Variants in C4orf50 observed in about 807,000 individuals in gnomAD.
The protein encoded by C4orf50 is uncharacterized protein C4orf50.
In C4orf50, 80 loss-of-function variants were observed where a neutral mutation model predicts 77.2. The observed-to-expected ratio is 1.04, with a 90% confidence interval of 0.87 to 1.25. The LOEUF (loss-of-function observed/expected upper bound fraction) is 1.25. Ranked by LOEUF, C4orf50 falls within the 50% of genes most tolerant of loss-of-function variation. The probability of loss-of-function intolerance (pLI) is 0.00; values close to 1 mark genes in which losing one functional copy is unlikely to be tolerated. For missense variants in C4orf50, 1,257 were observed against 1,152.9 expected (o/e 1.09, Z -1.31); for synonymous variants, 532 against 465.3 (o/e 1.14, Z -1.84).
chr4:5,983,966 G>T (rs1228409675), intron 28 of C4orf50, among the ~76,000 whole-genome samples: 1 of 152,238 alleles, frequency 6.6e-6, no homozygotes, highest in Non-Finnish European at 1.5e-5. Flanking sequence ...AGGTTAATTG[G>T]TGAAGAGATG....
At chr4:5,931,646 T>G (rs980248974) in intron 7 of C4orf50, among the ~76,000 whole-genome samples, 1 of 152,094 alleles carries the variant, frequency 6.6e-6, no homozygotes, top group Non-Finnish European at 1.5e-5. Context: ...ACACTAGCCA[T>G]CAGCAGCCCT....
chr4:5,993,033 C>T (rs1178342440), intron 26 of C4orf50, 103 bp from the exon 5 acceptor site: 1 of 396,658 alleles, frequency 2.5e-6, no homozygotes, highest in East Asian at 3.6e-5. Flanking sequence ...AGATGGCACC[C>T]CCCCCACCCC....
intron 7 of C4orf50, among the ~76,000 whole-genome samples, chr4:5,950,135 T>C (rs540480583): frequency 6.6e-6 from 1 of 152,370 alleles, no homozygotes; most frequent in East Asian, 1.9e-4. Flanking sequence ...ATACGTTCTG[T>C]ATATTTTATC....
rs1229647767 is a variant in C4orf50, at chr4:5,905,375, C to G, written c.*2475-7187G>C. On this transcript the variant is annotated intron_variant, in intron 7 of 7. Coordinates refer to the C4orf50 transcript ENST00000324058. The surrounding 1 kb of genome is among the most constrained non-coding windows in gnomAD (Gnocchi z 5.4). Reference sequence around the variant, plus strand: ...AAGGATTGTAAATCATAGGCCACCTCTGCTCTGTCGGTCAGTTGAGAAGGA... The same window carrying G: ...AAGGATTGTAAATCATAGGCCACCTGTGCTCTGTCGGTCAGTTGAGAAGGA... 6.6e-6 allele frequency: 1 copy of G among 152,248 alleles called. No individual in the cohort carries two copies. The highest frequency in any genetic ancestry group is 1.5e-5 in the Non-Finnish European group (1 of 68,056). 9.4% of individuals were successfully genotyped at this position (152,248 alleles called of 1,614,324 possible).
chr4:5,903,125 GC>G (rs1716410659), intron 7 of C4orf50: 2 of 152,232 alleles, frequency 1.3e-5, no homozygotes, highest in African/African-American at 2.4e-5. Context: ...AGGAGTGGGG[GC>G]CCTGCAGTCC....
At position 5,900,299 on chromosome 4, in the gene C4orf50, A is replaced by G. The variant is rs530431440; in HGVS notation, c.*2475-2111T>C. 1 of 152,324 alleles carries G rather than the reference A, an allele frequency of 6.6e-6. No individual in the cohort carries two copies. The highest frequency in any genetic ancestry group is 2.1e-4 in the South Asian group (1 of 4,816). 9.4% of individuals were successfully genotyped at this position (152,324 alleles called of 1,614,324 possible). On this transcript the variant is annotated intron_variant, in intron 7 of 7. Coordinates refer to the C4orf50 transcript ENST00000324058. The surrounding 1 kb of genome is among the most constrained non-coding windows in gnomAD (Gnocchi z 4.3). Reference sequence around the variant, plus strand: ...TTCCCTGTTCTCTCCAATGATGGGTAACTAAACTCATATAATAATCTCATT... The same window carrying G: ...TTCCCTGTTCTCTCCAATGATGGGTGACTAAACTCATATAATAATCTCATT...
chr4:5,904,647 G>A (rs1305498809), intron 7 of C4orf50: 10 of 152,162 alleles, frequency 6.6e-5, no homozygotes, highest in African/African-American at 1.7e-4. Flanking sequence ...CCTTTCTGCC[G>A]AGACTAGGGG....
At position 5,905,057 on chromosome 4, in the gene C4orf50, G is replaced by A. The variant is rs1305499523; in HGVS notation, c.*2475-6869C>T. 1 of 152,218 alleles carries A rather than the reference G, an allele frequency of 6.6e-6. No homozygotes were observed. Among genetic ancestry groups the A allele is most frequent in the Non-Finnish European group, 1.5e-5 (1 of 68,052 alleles). The allele number at this position is 152,218 out of a possible 1,614,324, so 9.4% of individuals were successfully genotyped here. A position where few individuals can be genotyped will look rare whatever the true frequency, so the allele number is the denominator to read the frequency against. On this transcript the variant is annotated intron_variant, in intron 7 of 7. Transcript: ENST00000324058. The surrounding 1 kb of genome is among the most constrained non-coding windows in gnomAD (Gnocchi z 5.4). ...TTTCCAGCCATTAGCTCATTTGGTT[G>A]TCAGAGCAAAACTGTCAAGTAGGCA...
rs1398244959 is a variant in C4orf50 at position 5,913,668 on chromosome 4, T to C, written c.*2475-15480A>G. 2.0e-5 allele frequency among the ~76,000 whole-genome samples: 3 copies of C among 152,182 alleles called. No homozygotes were observed. The East Asian group carries it at 5.8e-4, about 29-fold the overall frequency. ...AGGGTCCCTTTGAATCTCATTACAC[T>C]AGGGCTCCTGGGTGTATTGATCCTA... On this transcript the variant is annotated intron_variant, in intron 7 of 7. Transcript: ENST00000324058.
chr4:5,933,170 C>T (rs899596442), intron 7 of C4orf50, among the ~76,000 whole-genome samples: 5 of 152,300 alleles, frequency 3.3e-5, no homozygotes, highest in African/African-American at 9.6e-5. Context: ...TAGCTGCCCT[C>T]GTCTCTCACA....
chr4:5,934,565 C>A (rs1367769070), intron 7 of C4orf50, among the ~76,000 whole-genome samples: 1 of 152,104 alleles, frequency 6.6e-6, no homozygotes, highest in Non-Finnish European at 1.5e-5. Context: ...CCCCACTTAA[C>A]TCCTGGCATG....
chr4:6,006,242 T>G (rs988133406), intron 25 of C4orf50, among the ~76,000 whole-genome samples: 3 of 152,202 alleles, frequency 2.0e-5, no homozygotes, highest in African/African-American at 7.2e-5. Context: ...TTAAATGGAT[T>G]GTCCAGGTTT....
Position 5,908,691 on chromosome 4 carries a change from G to A in C4orf50, c.*2475-10503C>T, listed in dbSNP as rs140814960. Among the ~76,000 whole-genome samples, 6 of 152,232 alleles carry A rather than the reference G, an allele frequency of 3.9e-5. No individual in the cohort carries two copies. The highest frequency in any genetic ancestry group is 6.5e-5 in the Admixed American group (1 of 15,294). On this transcript the variant is annotated intron_variant, in intron 7 of 7. Coordinates refer to the C4orf50 transcript ENST00000324058. This position sits in a 1 kb window ranked among gnomAD's most constrained non-coding sequence, Gnocchi z 5.6. ...GCTCCTCAATGAGAGAACACCATCC[G>A]ATAGGAGAGACCAATACATACGTGA...
At chr4:5,979,996 G>C (rs1720484398) in intron 29 of C4orf50, among the ~76,000 whole-genome samples, 178 bp downstream of exon 7, 1 of 152,028 alleles carries the variant, frequency 6.6e-6, no homozygotes, top group Non-Finnish European at 1.5e-5. Context: ...AGCAATCATA[G>C]AGCCTGTGGT....
chr4:5,989,978 C>T (rs564019699), exon 28 of C4orf50: 37 of 1,406,218 alleles, frequency 2.6e-5, no homozygotes, highest in African/African-American at 7.2e-5. Flanking sequence ...ACTTTCCCTG[C>T]GAGGAGCTGA....
At chr4:5,907,689 T>G (rs1716614947) in intron 7 of C4orf50, among the ~76,000 whole-genome samples, 1 of 151,916 alleles carries the variant, frequency 6.6e-6, no homozygotes, top group Non-Finnish European at 1.5e-5. Context: ...GTGCTCTAGA[T>G]TGAGTTGTTA....
intron 25 of C4orf50, among the ~76,000 whole-genome samples, chr4:6,003,831 ATGATGTGATAGTGATGATGGTGATGATGG>A (rs1721985429): frequency 2.2e-5 from 1 of 46,214 alleles, no homozygotes; most frequent in Non-Finnish European, 4.2e-5. Flanking sequence ...GGTGATGGTG[ATGATGTGATAGTGATGATGGTGATGATGG>A]TGATGGTGAT....
intron 33 of C4orf50, 104 bp from the exon 12 acceptor site, chr4:5,959,730 G>A (rs1281067724): frequency 3.3e-5 from 46 of 1,380,042 alleles, no homozygotes; most frequent in South Asian, 7.4e-5. Context: ...GATAGCTAAC[G>A]GTTTCGGGGC....
At chr4:5,988,412 C>T (rs1050862126) in exon 28 of C4orf50, 2 of 1,609,822 alleles carry the variant, frequency 1.2e-6, no homozygotes, top group African/African-American at 2.7e-5. Flanking sequence ...GGCCTCTTCT[C>T]CTCTTTCTCC....
Sources: gnomAD v4.1 joint callset for allele counts (sites outside exome capture counted in the v4.1 genomes callset) on GRCh38, gnomAD v4.1.1 for gene constraint, Gnocchi (gnomAD v3.1) non-coding constraint, MANE v1.5 for transcripts, NCBI Gene and HGNC (gene_info 2026-07-23, HGNC 2026-07-21) for gene names.